The following LONRF1 variants were observed in gnomAD, a reference collection of about 807,000 sequenced individuals.
LONRF1 encodes the protein LON peptidase N-terminal domain and ring finger 1.
In LONRF1, 37 loss-of-function variants were observed where a neutral mutation model predicts 85.8. That is an observed-to-expected ratio of 0.43 (90% CI 0.33 to 0.57). LONRF1 has a LOEUF of 0.57. LONRF1 is among the 20% of genes least tolerant of loss of function. LONRF1 has a pLI of 0.04. For missense variants in LONRF1, 1,036 were observed against 978.0 expected, an observed-to-expected ratio of 1.06 and a Z score of -0.79; for synonymous variants, 517 against 390.1, an observed-to-expected ratio of 1.33 and a Z score of -3.83.
At chr8:12,749,863 T>C (rs536326497) in intron 1 of LONRF1, among the ~76,000 whole-genome samples, 2 of 152,310 alleles carry the variant, frequency 1.3e-5, no homozygotes, top group South Asian at 4.1e-4. Context: ...TTTGCTGCAA[T>C]TACAAAAGAA....
chr8:12,736,837 A>T, intron 5 of LONRF1, 40 bp from the exon 6 acceptor site: 1 of 1,583,498 alleles, frequency 6.3e-7, no homozygotes, highest in Non-Finnish European at 8.6e-7. Flanking sequence ...CCTTAGGAAA[A>T]ACTTTAAAGA....
At chr8:12,740,843 C>T in intron 3 of LONRF1, 31 bp downstream of exon 3, 1 of 1,609,550 alleles carries the variant, frequency 6.2e-7, no homozygotes, top group Non-Finnish European at 8.5e-7. Context: ...TTAGCCCTAC[C>T]ATGAACTGTA....
At chr8:12,749,895 A>G (rs1799310379) in intron 1 of LONRF1, among the ~76,000 whole-genome samples, 1 of 152,208 alleles carries the variant, frequency 6.6e-6, no homozygotes, top group Admixed American at 6.5e-5. Flanking sequence ...AAACTCTACA[A>G]GGACAGGGAC....
At chr8:12,746,126 A>G (rs1354165179) in intron 1 of LONRF1, among the ~76,000 whole-genome samples, 2 of 152,108 alleles carry the variant, frequency 1.3e-5, no homozygotes, top group Non-Finnish European at 2.9e-5. Flanking sequence ...CCCTTTTCCA[A>G]TCCTATCTCT....
In LONRF1 at chr8:12,752,869, G is replaced by C. The variant is rs1243975981; in HGVS notation, c.721+1831C>G. ...CTCAGTGACCAAAAAAACTTCCTTG[G>C]ATATGTATACTAAACATGTGCTATA... On this transcript the variant is annotated intron_variant, in intron 1 of 11. Transcript: ENST00000398246. 6.6e-5 allele frequency among the ~76,000 whole-genome samples: 10 copies of C among 152,148 alleles called. No individual in the cohort carries two copies. In the South Asian group the frequency reaches 1.9e-3, roughly 28 times the overall value.
intron 10 of LONRF1, chr8:12,727,262 ACG>A (rs1212331534): frequency 7.2e-4 from 105 of 146,198 alleles, no homozygotes; most frequent in African/African-American, 2.4e-3. Flanking sequence ...GCAGGCAGAG[ACG>A]CTTTTAAAGT....
At chr8:12,739,755 C>T (rs1290068316) in intron 3 of LONRF1, among the ~76,000 whole-genome samples, 4 of 152,180 alleles carry the variant, frequency 2.6e-5, no homozygotes, top group Non-Finnish European at 2.9e-5. Flanking sequence ...TGGCAGCATG[C>T]AAAATGCAGA....
chr8:12,723,555 A>G (rs868446502), intron 11 of LONRF1, among the ~76,000 whole-genome samples: 2 of 152,194 alleles, frequency 1.3e-5, no homozygotes, highest in Non-Finnish European at 2.9e-5. Context: ...TCTCGACCTC[A>G]GGCTACTGAC....
At chr8:12,744,535 C>T (rs1799067902) in intron 1 of LONRF1, among the ~76,000 whole-genome samples, 1 of 152,082 alleles carries the variant, frequency 6.6e-6, no homozygotes, top group South Asian at 2.1e-4. Flanking sequence ...CTAGCACAAA[C>T]CTAGACCCTG....
At position 12,737,991 on chromosome 8, in the gene LONRF1, G is replaced by A. The variant is rs573377018; in HGVS notation, c.1113+4C>T. 62 of 1,600,010 alleles carry A rather than the reference G, an allele frequency of 3.9e-5. No homozygotes were observed. The Middle Eastern group carries it at 9.9e-4, about 26-fold the overall frequency. Reference sequence around the variant, plus strand: ...ACTCATGATAACCTTGTCTCACCCCGTACCTGCTTTGGGCTAGGTTCATTG... The same window carrying A: ...ACTCATGATAACCTTGTCTCACCCCATACCTGCTTTGGGCTAGGTTCATTG... On this transcript the variant is annotated splice_donor_region_variant and intron_variant, in intron 4 of 11. Transcript: ENST00000398246.
chr8:12,722,801 C>T lies in LONRF1; in HGVS notation c.*295G>A, dbSNP rs531561833. The T allele has an allele frequency of 6.7e-4, 154 of 231,518 alleles. No individual in the cohort carries two copies. Among genetic ancestry groups the T allele is most frequent in the African/African-American group, 3.3e-3 (146 of 44,316 alleles). 14.3% of individuals were successfully genotyped at this position (231,518 alleles called of 1,614,324 possible). A position where few individuals can be genotyped will look rare whatever the true frequency, so the allele number is the denominator to read the frequency against. Reference sequence around the variant, plus strand: ...ACACGCACGCACACACACACACACACTCTCTCACAGACATAAAGAGTTCTT... The same window carrying T: ...ACACGCACGCACACACACACACACATTCTCTCACAGACATAAAGAGTTCTT... On this transcript the variant is annotated 3_prime_UTR_variant, in exon 12 of 12. Coordinates refer to ENST00000398246, the MANE Select transcript of LONRF1 (RefSeq NM_152271.5).
intron 1 of LONRF1, among the ~76,000 whole-genome samples, chr8:12,748,294 T>TC (rs1437692107): frequency 6.6e-6 from 1 of 152,120 alleles, no homozygotes; most frequent in East Asian, 1.9e-4. Flanking sequence ...AGCCTCGACC[T>TC]CCTATGCTCA....
chr8:12,729,210 T>C lies in LONRF1; in HGVS notation c.1811A>G (p.Lys604Arg). The C allele has an allele frequency of 6.2e-7, 1 of 1,613,986 alleles. No homozygotes were observed. The highest frequency in any genetic ancestry group is 1.1e-5 in the South Asian group (1 of 91,072). The change falls in exon 9 of 12, where the codon AAA becomes AGA. Residue 604 changes from lysine to arginine, a missense_variant. Physicochemically the swap from Lys to Arg is conservative, Grantham distance 26. This residue lies in a region of LONRF1 where 265 missense variants were observed against 301.5 expected (regional missense o/e 0.88). Coordinates refer to ENST00000398246, the MANE Select transcript of LONRF1 (RefSeq NM_152271.5). ...ATCACTGACACACATGCCAAACTGTTTGGTTCCAGTCTGTATACTTCTTCG... is the reference window on the plus strand; with the variant it reads ...ATCACTGACACACATGCCAAACTGTCTGGTTCCAGTCTGTATACTTCTTCG... ...MIRRSIQTGT[K>R]QFGMCVSDTQ...
At position 12,723,004 on chromosome 8, in the gene LONRF1, G is replaced by T; in HGVS notation, c.*92C>A. ...AAAAGAAAAGTTTCATTAAATTTCT[G>T]AAACCAGCACTAGATGTGCAAAGGC... On this transcript the variant is annotated 3_prime_UTR_variant, in exon 12 of 12. Transcript: ENST00000398246. 8.1e-7 allele frequency: 1 copy of T among 1,234,140 alleles called. No homozygotes were observed. Among genetic ancestry groups the T allele is most frequent in the Non-Finnish European group, 1.1e-6 (1 of 902,848 alleles). The allele number at this position is 1,234,140 out of a possible 1,614,324, so 76.4% of individuals were successfully genotyped here.
chr8:12,740,185 G>A (rs571972082), intron 3 of LONRF1, among the ~76,000 whole-genome samples: 1 of 152,282 alleles, frequency 6.6e-6, no homozygotes, highest in African/African-American at 2.4e-5. Flanking sequence ...TCATGACTGG[G>A]ACCCTGAATT....
At position 12,733,500 on chromosome 8, in the gene LONRF1, T is replaced by C. The variant is rs1044549089; in HGVS notation, c.1567-1643A>G. ...TGTTCCCAATTTCAGACACAGTCTG[T>C]AGATAATTTTTCTTTCAAGTTTTTC... On this transcript the variant is annotated intron_variant, in intron 7 of 11. Transcript: ENST00000398246. 4.6e-5 allele frequency among the ~76,000 whole-genome samples: 7 copies of C among 152,280 alleles called. 1 individual carries two copies. The South Asian group carries it at 8.3e-4, about 18-fold the overall frequency.
chr8:12,727,392 A>C (rs1298066598), intron 10 of LONRF1: 1 of 151,588 alleles, frequency 6.6e-6, no homozygotes, highest in Non-Finnish European at 1.5e-5. Flanking sequence ...AAACAGAATT[A>C]TTATAAGAAG....
intron 10 of LONRF1, among the ~76,000 whole-genome samples, chr8:12,728,445 A>G (rs28567977): frequency 6.6e-6 from 1 of 152,212 alleles, no homozygotes; most frequent in Non-Finnish European, 1.5e-5. Flanking sequence ...AACAATTCTT[A>G]TAAGATTTGA....
rs1343195201 is a variant in LONRF1 at position 12,722,966 on chromosome 8, G to C, written c.*130C>G. On this transcript the variant is annotated 3_prime_UTR_variant, in exon 12 of 12. Coordinates refer to ENST00000398246, the MANE Select transcript of LONRF1 (RefSeq NM_152271.5). ...TTCATTTGCAGAACCACATGATTCA[G>C]GAGGTCGAAGGAAAAAGAAAAGTTT... 1 of 820,660 alleles carries C rather than the reference G, an allele frequency of 1.2e-6. No individual in the cohort carries two copies. Among genetic ancestry groups the C allele is most frequent in the African/African-American group, 1.7e-5 (1 of 58,554 alleles). The allele number at this position is 820,660 out of a possible 1,614,324, so 50.8% of individuals were successfully genotyped here.
Sources: gnomAD v4.1 joint callset for allele counts (sites outside exome capture counted in the v4.1 genomes callset) on GRCh38, gnomAD v4.1.1 for gene constraint, gnomAD v4.1.1 regional missense constraint, MANE v1.5 for transcripts, NCBI Gene and HGNC (gene_info 2026-07-23, HGNC 2026-07-21) for gene names.